The following MALRD1 variants were observed in gnomAD, a reference collection of about 807,000 sequenced individuals.
The protein encoded by MALRD1 is MAM and LDL receptor class A domain containing 1.
Under a neutral mutation model 242.1 loss-of-function variants are expected in MALRD1, and 247 were observed. The observed-to-expected ratio is 1.02, with a 90% CI of 0.92 to 1.13. The LOEUF is 1.13. Among genes scored for constraint, MALRD1 ranks in the 50% most tolerant of loss-of-function variants. The pLI is 0.00. For missense variants in MALRD1, 2,989 were observed against 2,533.1 expected (o/e 1.18, Z -3.86); for synonymous variants, 995 against 866.6 (o/e 1.15, Z -2.60).
At chr10:19,422,536 T>C (rs1241942470) in intron 28 of MALRD1, among the ~76,000 whole-genome samples, 1 of 152,102 alleles carries the variant, frequency 6.6e-6, no homozygotes, top group Non-Finnish European at 1.5e-5. Context: ...GTGCATAGAG[T>C]AGTAATCGCT....
At chr10:19,281,270 T>C (rs998771603) in intron 20 of MALRD1, among the ~76,000 whole-genome samples, 1 of 152,136 alleles carries the variant, frequency 6.6e-6, no homozygotes, top group East Asian at 1.9e-4. Flanking sequence ...GAAGGTGTGG[T>C]GGTGTTCAGA....
intron 38 of MALRD1, 34 bp from the exon 39 acceptor site, chr10:19,730,672 G>GT (rs751174583): frequency 3.6e-5 from 55 of 1,530,462 alleles, no homozygotes; most frequent in African/African-American, 2.7e-5. Context: ...AATGTCAATA[G>GT]TTTTTTATTT....
intron 2 of MALRD1, among the ~76,000 whole-genome samples, chr10:19,068,840 A>G (rs1835057204): frequency 1.3e-5 from 2 of 152,148 alleles, no homozygotes; most frequent in South Asian, 4.1e-4. Flanking sequence ...TCATTATGTA[A>G]CCAATGCCTT....
At chr10:19,627,807 G>A (rs1241235177) in intron 36 of MALRD1, among the ~76,000 whole-genome samples, 1 of 142,538 alleles carries the variant, frequency 7.0e-6, no homozygotes, top group Non-Finnish European at 1.5e-5. Flanking sequence ...ACAATAATAG[G>A]CCAGGCCAGG....
Position 19,613,225 on chromosome 10 carries a change from C to A in MALRD1, c.6071-2632C>A, listed in dbSNP as rs540131701. On this transcript the variant is annotated intron_variant, in intron 35 of 39. Coordinates refer to ENST00000454679, the MANE Select transcript of MALRD1 (RefSeq NM_001142308.3). ...CTATCTAAAAGGCAGAGAAAAAAATCTGAAGAAAGACCACAAATCTTTATC... is the reference window on the plus strand; with the variant it reads ...CTATCTAAAAGGCAGAGAAAAAAATATGAAGAAAGACCACAAATCTTTATC... 1.9e-3 allele frequency among the ~76,000 whole-genome samples: 290 copies of A among 152,108 alleles called. 2 individuals are homozygous for A. Among genetic ancestry groups the A allele is most frequent in the African/African-American group, 6.7e-3 (278 of 41,552 alleles).
intron 14 of MALRD1, among the ~76,000 whole-genome samples, chr10:19,191,726 G>A (rs1000588742): frequency 2.0e-5 from 3 of 152,112 alleles, no homozygotes; most frequent in Non-Finnish European, 2.9e-5. Context: ...GGCCGGGTGC[G>A]GTTACTCACA....
rs955900156 is a variant in MALRD1 at position 19,525,543 on chromosome 10, A to G, written c.5321-5651A>G. Among the ~76,000 whole-genome samples, 11 of 152,296 alleles carry G rather than the reference A, an allele frequency of 7.2e-5. No homozygotes were observed. The East Asian group carries it at 1.9e-3, about 27-fold the overall frequency. On this transcript the variant is annotated intron_variant, in intron 31 of 39. Coordinates refer to ENST00000454679, the MANE Select transcript of MALRD1 (RefSeq NM_001142308.3). ...AGCTACAATTTTCAAAAATGTGTGC[A>G]ACTCTTTTAAAGAGATTTTAAGGTA... is the stretch of plus-strand genomic sequence containing the variant.
chr10:19,529,543 A>AG lies in MALRD1; in HGVS notation c.5321-1649dup, dbSNP rs372769420. ...AAAACCAGAGAAGACAGAAAAAAAC[A>AG]GGAGGGGGGGGGAGAAAACAAAGAT... On this transcript the variant is annotated intron_variant, in intron 31 of 39. Coordinates refer to ENST00000454679, the MANE Select transcript of MALRD1 (RefSeq NM_001142308.3). Among the ~76,000 whole-genome samples the AG allele has an allele frequency of 6.7e-3, 237 of 35,176 alleles. 1 individual carries two copies. Among genetic ancestry groups the AG allele is most frequent in the South Asian group, 0.024 (28 of 1,150 alleles). 23.1% of individuals were successfully genotyped at this position (35,176 alleles called of 152,430 possible). A position where few individuals can be genotyped will look rare whatever the true frequency, so the allele number is the denominator to read the frequency against.
chr10:19,733,959 G>A (rs1294104534), intron 39 of MALRD1, among the ~76,000 whole-genome samples, 198 bp from the exon 40 acceptor site: 2 of 152,024 alleles, frequency 1.3e-5, no homozygotes, highest in African/African-American at 4.8e-5. Flanking sequence ...GAGGACCCCA[G>A]GATACATGGA....
chr10:19,301,222 G>A (rs746656451), intron 21 of MALRD1, among the ~76,000 whole-genome samples: 10 of 151,888 alleles, frequency 6.6e-5, no homozygotes, highest in Non-Finnish European at 1.0e-4. Flanking sequence ...ACAGGCTGAC[G>A]AGGTTAGGGA....
At chr10:19,705,055 GT>G (rs1249752457) in intron 38 of MALRD1, among the ~76,000 whole-genome samples, 1 of 152,140 alleles carries the variant, frequency 6.6e-6, no homozygotes, top group East Asian at 1.9e-4. Context: ...ACAGAATATT[GT>G]TTGAGATTCT....
At chr10:19,691,651 T>G (rs1317629729) in intron 36 of MALRD1, among the ~76,000 whole-genome samples, 1 of 152,078 alleles carries the variant, frequency 6.6e-6, no homozygotes, top group Non-Finnish European at 1.5e-5. Context: ...AAGGTACTCT[T>G]TCATTCGTAA....
chr10:19,478,890 C>A (rs1836861677), intron 29 of MALRD1, among the ~76,000 whole-genome samples: 1 of 152,238 alleles, frequency 6.6e-6, no homozygotes, highest in Non-Finnish European at 1.5e-5. Flanking sequence ...GGTTGAGAGC[C>A]TTTTTAGCAA....
chr10:19,238,400 T>TTAATATATAATATAC (rs1838528591), intron 18 of MALRD1, among the ~76,000 whole-genome samples: 1 of 73,208 alleles, frequency 1.4e-5, no homozygotes, highest in Non-Finnish European at 2.4e-5. Context: ...ATATGTTATA[T>TTAATATATAATATAC]ATTATGTATA....
At chr10:19,343,427 C>A (rs1843971051) in intron 24 of MALRD1, among the ~76,000 whole-genome samples, 1 of 152,076 alleles carries the variant, frequency 6.6e-6, no homozygotes, top group Admixed American at 6.6e-5. Context: ...TTGTGTAAAG[C>A]ATCATTGCCA....
intron 28 of MALRD1, among the ~76,000 whole-genome samples, chr10:19,432,806 TG>T (rs1182774396): frequency 2.6e-4 from 40 of 152,232 alleles, no homozygotes; most frequent in Admixed American, 1.8e-3. Context: ...GTAATTCCAA[TG>T]ATTGCATTCC....
chr10:19,625,486 A>C (rs775553281), intron 36 of MALRD1, among the ~76,000 whole-genome samples: 4 of 152,092 alleles, frequency 2.6e-5, no homozygotes, highest in Non-Finnish European at 4.4e-5. Context: ...ACCCATAAGC[A>C]TACAGATCAT....
At chr10:19,110,194 G>A (rs1449805113) in intron 5 of MALRD1, among the ~76,000 whole-genome samples, 7 of 152,042 alleles carry the variant, frequency 4.6e-5, no homozygotes, top group Middle Eastern at 3.2e-3. Context: ...TACATTAAGC[G>A]TCTCTAGTCA....
At chr10:19,115,557 TGAG>T (rs1836842288) in intron 5 of MALRD1, among the ~76,000 whole-genome samples, 1 of 152,090 alleles carries the variant, frequency 6.6e-6, no homozygotes, top group African/African-American at 2.4e-5. Context: ...AATTCTGAGA[TGAG>T]GAAGTTTATA....
Sources: gnomAD v4.1 joint callset for allele counts (sites outside exome capture counted in the v4.1 genomes callset) on GRCh38, gnomAD v4.1.1 for gene constraint, MANE v1.5 for transcripts, NCBI Gene and HGNC (gene_info 2026-07-23, HGNC 2026-07-21) for gene names.